The following KIFAP3 variants were observed in gnomAD, a reference collection of about 807,000 sequenced individuals.
The protein encoded by KIFAP3 is kinesin associated protein 3, also known as kinesin-associated protein 3.
In KIFAP3, 68 loss-of-function variants were observed where a neutral mutation model predicts 106.5. The ratio of observed to expected loss-of-function variants is 0.64; its 90% CI spans 0.53 to 0.78. The LOEUF (loss-of-function observed/expected upper bound fraction) is 0.78. Among genes scored for constraint, KIFAP3 ranks in the 30% least tolerant of loss-of-function variants. The probability of loss-of-function intolerance (pLI) is 0.00; values close to 1 mark genes in which losing one functional copy is unlikely to be tolerated. For synonymous variants in KIFAP3, 320 were observed against 311.5 expected (o/e 1.03, Z -0.29); for missense variants, 780 against 941.8 (o/e 0.83, Z 2.25).
chr1:169,934,542 T>C (rs1458777635), intron 19 of KIFAP3, among the ~76,000 whole-genome samples: 1 of 152,104 alleles, frequency 6.6e-6, no homozygotes, highest in Non-Finnish European at 1.5e-5. Context: ...TATACTCAGG[T>C]TTACTGCCAG....
intron 2 of KIFAP3, among the ~76,000 whole-genome samples, chr1:170,052,480 T>A (rs1670627307): frequency 6.6e-6 from 1 of 152,188 alleles, no homozygotes; most frequent in Non-Finnish European, 1.5e-5. Context: ...GACTCCTTCC[T>A]AACTCATTTT....
chr1:170,055,480 A>T, intron 1 of KIFAP3, 44 bp from the exon 2 acceptor site: 1 of 1,485,348 alleles, frequency 6.7e-7, no homozygotes, highest in Non-Finnish European at 9.0e-7. Context: ...TAAAATTCTC[A>T]AAGTGGCCAT....
At chr1:170,041,450 T>A (rs1236614740) in intron 3 of KIFAP3, among the ~76,000 whole-genome samples, 1 of 152,136 alleles carries the variant, frequency 6.6e-6, no homozygotes, top group East Asian at 1.9e-4. Flanking sequence ...GAGACTAGCC[T>A]AGGCAACATA....
chr1:170,031,608 A>T (rs1463857171), intron 8 of KIFAP3, among the ~76,000 whole-genome samples: 1 of 151,794 alleles, frequency 6.6e-6, no homozygotes, highest in Non-Finnish European at 1.5e-5. Context: ...AGAGACAAAG[A>T]TTGATATTAT....
chr1:170,004,946 G>A lies in KIFAP3; in HGVS notation c.1183+11516C>T, dbSNP rs879529981. On this transcript the variant is annotated intron_variant, in intron 10 of 19. Coordinates refer to ENST00000361580, the MANE Select transcript of KIFAP3 (RefSeq NM_014970.4). Reference sequence around the variant, plus strand: ...ACCTACAGAATGGGAGAAAATTTTCGCAACCTACTCATCTGACAAAGGGCT... The same window carrying A: ...ACCTACAGAATGGGAGAAAATTTTCACAACCTACTCATCTGACAAAGGGCT... Among the ~76,000 whole-genome samples the A allele has an allele frequency of 4.7e-3, 718 of 151,906 alleles. 1 individual carries two copies. Among genetic ancestry groups the A allele is most frequent in the Non-Finnish European group, 8.2e-3 (554 of 67,866 alleles).
At chr1:170,042,626 C>T (rs1171140434) in intron 3 of KIFAP3, among the ~76,000 whole-genome samples, 1 of 152,134 alleles carries the variant, frequency 6.6e-6, no homozygotes, top group African/African-American at 2.4e-5. Flanking sequence ...ACTGAGGGTT[C>T]CTCTCATCTT....
intron 19 of KIFAP3, among the ~76,000 whole-genome samples, chr1:169,926,823 C>T (rs1571502894): frequency 6.6e-6 from 1 of 152,164 alleles, no homozygotes; most frequent in African/African-American, 2.4e-5. Flanking sequence ...TATAAATAGG[C>T]AGCAGTGATT....
At chr1:169,925,279 C>T (rs956702719) in intron 19 of KIFAP3, among the ~76,000 whole-genome samples, 1 of 151,916 alleles carries the variant, frequency 6.6e-6, no homozygotes. Flanking sequence ...AGTGTCTCTT[C>T]CTGAAAATAC....
At chr1:169,991,109 G>C (rs146028348) in intron 11 of KIFAP3, among the ~76,000 whole-genome samples, 2 of 151,990 alleles carry the variant, frequency 1.3e-5, no homozygotes, top group Non-Finnish European at 2.9e-5. Flanking sequence ...GAGGACAAGC[G>C]GGGGAAGATT....
chr1:169,928,699 C>CAAAAAAAAAAAAAAAAAAAAAAAAAAT (rs10690029), intron 19 of KIFAP3, among the ~76,000 whole-genome samples: 1 of 37,784 alleles, frequency 2.6e-5, no homozygotes, highest in African/African-American at 1.4e-4. Flanking sequence ...ACCCTGTCTC[C>CAAAAAAAAAAAAAAAAAAAAAAAAAAT]AAAAAAAAAA....
At chr1:170,032,033 C>A in intron 7 of KIFAP3, 49 bp from the exon 8 acceptor site, 1 of 1,027,012 alleles carries the variant, frequency 9.7e-7, no homozygotes, top group South Asian at 1.4e-5. Flanking sequence ...CAAAAAAAAT[C>A]TACTGATAAA....
chr1:170,022,130 A>C (rs1000958663), intron 9 of KIFAP3, among the ~76,000 whole-genome samples: 7 of 151,184 alleles, frequency 4.6e-5, no homozygotes, highest in Non-Finnish European at 8.9e-5. Context: ...TTGTATTTTT[A>C]GTAGAGACGG....
chr1:169,996,742 G>A (rs1438460319), intron 10 of KIFAP3, among the ~76,000 whole-genome samples: 1 of 152,142 alleles, frequency 6.6e-6, no homozygotes, highest in Non-Finnish European at 1.5e-5. Flanking sequence ...GTACAGGAAG[G>A]AGATGCATCT....
rs556838377 is a variant in KIFAP3, at chr1:170,041,045, G to T, written c.320-1757C>A. Among the ~76,000 whole-genome samples the T allele has an allele frequency of 3.3e-5, 5 of 152,044 alleles. No homozygotes were observed. In the East Asian group the frequency reaches 7.8e-4, roughly 24 times the overall value. ...TCACCATGTTGGCCAGGATGGTCTC[G>T]ATCTCTTGACCTCGTGATCCGCCCG... On this transcript the variant is annotated intron_variant, in intron 3 of 19. Transcript: ENST00000361580.
chr1:169,984,785 T>A (rs914013282), intron 11 of KIFAP3, 95 bp from the exon 12 acceptor site: 21 of 632,368 alleles, frequency 3.3e-5, no homozygotes, highest in African/African-American at 9.2e-5. Flanking sequence ...TATCTTAGAT[T>A]GTACATTGGG....
chr1:169,965,078 T>A (rs675394), intron 17 of KIFAP3, among the ~76,000 whole-genome samples: 141,304 of 152,166 alleles, frequency 0.93, 65,652 homozygotes, highest in East Asian at 1. Context: ...ACTAATTGGC[T>A]TTTTTTCTAA....
At chr1:169,995,490 T>C (rs1394405055) in intron 10 of KIFAP3, among the ~76,000 whole-genome samples, 1 of 152,156 alleles carries the variant, frequency 6.6e-6, no homozygotes, top group Non-Finnish European at 1.5e-5. Context: ...AAAAAATATT[T>C]GAAGATATTT....
At chr1:169,934,412 T>C (rs541373133) in intron 19 of KIFAP3, among the ~76,000 whole-genome samples, 56 of 152,300 alleles carry the variant, frequency 3.7e-4, no homozygotes, top group African/African-American at 1.3e-3. Context: ...TGACAGATTC[T>C]AGTTACATGC....
intron 10 of KIFAP3, among the ~76,000 whole-genome samples, chr1:169,997,701 T>C (rs577866661): frequency 1.1e-4 from 17 of 151,804 alleles, no homozygotes; most frequent in Admixed American, 3.3e-4. Context: ...TGAAACCCTG[T>C]CTCTACTAAA....
Sources: allele counts gnomAD v4.1 joint callset (sites outside exome capture counted in the v4.1 genomes callset), GRCh38; gene constraint gnomAD v4.1.1; transcripts MANE v1.5; gene names NCBI Gene and HGNC (gene_info 2026-07-23, HGNC 2026-07-21).